Variants in ZNF385D observed in about 807,000 individuals in gnomAD.
The protein encoded by ZNF385D is zinc finger protein 659.
Under a neutral mutation model 35.8 loss-of-function variants are expected in ZNF385D, and 15 were observed. That is an observed-to-expected ratio of 0.42 (90% CI 0.28 to 0.64). ZNF385D has a LOEUF of 0.64. Ranked by LOEUF, ZNF385D falls within the 30% of genes least tolerant of loss-of-function variation. The pLI is 0.23. For synonymous variants in ZNF385D, 212 were observed against 186.8 expected, an observed-to-expected ratio of 1.13 and a Z score of -1.10; for missense variants, 474 against 494.6, an observed-to-expected ratio of 0.96 and a Z score of 0.39.
intron 3 of ZNF385D, among the ~76,000 whole-genome samples, chr3:21,556,059 T>C (rs2062724620): frequency 7.6e-6 from 1 of 132,132 alleles, no homozygotes; most frequent in Non-Finnish European, 1.6e-5. Flanking sequence ...TGACGTTTTT[T>C]TTGTTTTTGT....
At chr3:22,368,677 T>C (rs1696766670) in intron 2 of ZNF385D, among the ~76,000 whole-genome samples, 2 of 152,164 alleles carry the variant, frequency 1.3e-5, no homozygotes. Context: ...TCCTCATCTC[T>C]TCCTCATCTT....
At chr3:22,278,273 C>T (rs78976073) in intron 2 of ZNF385D, among the ~76,000 whole-genome samples, 21 of 152,108 alleles carry the variant, frequency 1.4e-4, no homozygotes, top group Non-Finnish European at 2.5e-4. Flanking sequence ...ATGGTGACTG[C>T]TTCATTGTCA....
chr3:22,331,200 C>A (rs1289069586), intron 2 of ZNF385D, among the ~76,000 whole-genome samples: 1 of 151,996 alleles, frequency 6.6e-6, no homozygotes, highest in Non-Finnish European at 1.5e-5. Context: ...GTAATGCAGG[C>A]CATTTATTAT....
intron 3 of ZNF385D, among the ~76,000 whole-genome samples, chr3:22,132,301 G>T (rs149860290): frequency 7.6e-4 from 116 of 152,232 alleles, no homozygotes; most frequent in Non-Finnish European, 1.4e-3. Flanking sequence ...TGCCATCTAT[G>T]AACTAAGAAA....
chr3:21,762,007 T>C (rs1229711086), intron 3 of ZNF385D, among the ~76,000 whole-genome samples: 2 of 149,578 alleles, frequency 1.3e-5, no homozygotes, highest in Non-Finnish European at 3.0e-5. Context: ...GCCTCCCGAG[T>C]AGCCGAGATT....
At chr3:22,145,948 T>C (rs867327721) in intron 3 of ZNF385D, among the ~76,000 whole-genome samples, 1 of 152,086 alleles carries the variant, frequency 6.6e-6, no homozygotes, top group African/African-American at 2.4e-5. Flanking sequence ...AAACATTTGC[T>C]GTGATTATTA....
chr3:22,113,439 C>T (rs778697059), intron 3 of ZNF385D, among the ~76,000 whole-genome samples: 1 of 152,032 alleles, frequency 6.6e-6, no homozygotes, highest in Non-Finnish European at 1.5e-5. Context: ...ATTATCAGAA[C>T]TATACCTTGG....
At chr3:21,634,769 T>C (rs2065379548) in intron 2 of ZNF385D, among the ~76,000 whole-genome samples, 1 of 151,974 alleles carries the variant, frequency 6.6e-6, no homozygotes, top group African/African-American at 2.4e-5. Context: ...TAAGTCAGTG[T>C]CCTTAAATGT....
At chr3:21,736,759 T>C (rs867964444) in intron 1 of ZNF385D, among the ~76,000 whole-genome samples, 1 of 152,226 alleles carries the variant, frequency 6.6e-6, no homozygotes, top group African/African-American at 2.4e-5. Flanking sequence ...AGCTGTTTCA[T>C]GCTGTTCTAT....
intron 3 of ZNF385D, among the ~76,000 whole-genome samples, chr3:21,968,812 G>A (rs1032685003): frequency 6.6e-6 from 1 of 152,172 alleles, no homozygotes; most frequent in African/African-American, 2.4e-5. Flanking sequence ...TAGCTAAAGG[G>A]AGAGACTCCT....
chr3:21,800,377 A>C (rs189118815), intron 3 of ZNF385D, among the ~76,000 whole-genome samples: 2 of 152,210 alleles, frequency 1.3e-5, no homozygotes, highest in African/African-American at 4.8e-5. Context: ...CAATCCATTA[A>C]CATGGAATTT....
At chr3:21,713,148 G>C (rs2068178902) in intron 1 of ZNF385D, among the ~76,000 whole-genome samples, 1 of 152,144 alleles carries the variant, frequency 6.6e-6, no homozygotes, top group Non-Finnish European at 1.5e-5. Flanking sequence ...CAGAAGCCAA[G>C]GGCACACCCA....
intron 2 of ZNF385D, among the ~76,000 whole-genome samples, chr3:22,349,495 A>G (rs1159507589): frequency 2.0e-5 from 3 of 152,110 alleles, no homozygotes; most frequent in Non-Finnish European, 4.4e-5. Flanking sequence ...TGTGTTTCCT[A>G]CCTCACACGT....
chr3:21,518,881 C>T (rs1227478479), intron 3 of ZNF385D, among the ~76,000 whole-genome samples: 1 of 152,154 alleles, frequency 6.6e-6, no homozygotes, highest in Non-Finnish European at 1.5e-5. Flanking sequence ...TTCTTAATTA[C>T]ATGCCCCATA....
In ZNF385D at chr3:21,412,819, G is replaced by A. The variant is rs1470059902; in HGVS notation, c.*8395C>T. Reference sequence around the variant, plus strand: ...AAGTTTAACTTAGTACAGGACCACAGACAAGATAAACTGTGCTATATTTTA... The same window carrying A: ...AAGTTTAACTTAGTACAGGACCACAAACAAGATAAACTGTGCTATATTTTA... On this transcript the variant is annotated 3_prime_UTR_variant, in exon 8 of 8. Transcript: ENST00000281523. 1 of 152,006 alleles carries A rather than the reference G, an allele frequency of 6.6e-6. No homozygotes were observed. The highest frequency in any genetic ancestry group is 1.5e-5 in the Non-Finnish European group (1 of 67,970). 9.4% of individuals were successfully genotyped at this position (152,006 alleles called of 1,614,324 possible).
chr3:21,855,202 A>T (rs980603756), intron 3 of ZNF385D, among the ~76,000 whole-genome samples: 1 of 152,056 alleles, frequency 6.6e-6, no homozygotes, highest in Non-Finnish European at 1.5e-5. Context: ...AATCGCTAGC[A>T]ATCTAGTCCT....
chr3:22,315,830 C>T (rs1233222732), intron 2 of ZNF385D, among the ~76,000 whole-genome samples: 2 of 152,046 alleles, frequency 1.3e-5, no homozygotes, highest in Non-Finnish European at 2.9e-5. Flanking sequence ...AAACTGATCC[C>T]CTCCTTGTTC....
intron 3 of ZNF385D, among the ~76,000 whole-genome samples, chr3:22,030,159 G>A (rs1363206380): frequency 6.7e-6 from 1 of 149,598 alleles, no homozygotes; most frequent in African/African-American, 2.5e-5. Flanking sequence ...AAGTTCTTCA[G>A]TTTTGGGACT....
intron 2 of ZNF385D, among the ~76,000 whole-genome samples, chr3:22,297,047 G>A (rs578250246): frequency 1.3e-5 from 2 of 152,214 alleles, no homozygotes; most frequent in East Asian, 3.9e-4. Flanking sequence ...AATTATTTAT[G>A]TGATAGATTG....
Sources: gnomAD v4.1 joint callset for allele counts (sites outside exome capture counted in the v4.1 genomes callset) on GRCh38, gnomAD v4.1.1 for gene constraint, MANE v1.5 for transcripts, NCBI Gene and HGNC (gene_info 2026-07-23, HGNC 2026-07-21) for gene names.